Variants in FANK1 observed in about 807,000 individuals in gnomAD.
FANK1 encodes the protein fibronectin type 3 and ankyrin repeat domains protein 1.
Under a neutral mutation model 45.3 loss-of-function variants are expected in FANK1, and 44 were observed. That is an observed-to-expected ratio of 0.97 (90% CI 0.76 to 1.25). The LOEUF is 1.25. Among genes scored for constraint, FANK1 ranks in the 50% most tolerant of loss-of-function variants. The pLI, the probability that FANK1 is intolerant of heterozygous loss-of-function variation, is 0.00. For synonymous variants in FANK1, 149 were observed against 152.5 expected (o/e 0.98, Z 0.17); for missense variants, 391 against 424.4 (o/e 0.92, Z 0.69).
intron 1 of FANK1, among the ~76,000 whole-genome samples, chr10:125,946,538 T>C (rs1323693623): frequency 0.011 from 1,674 of 151,562 alleles, 17 homozygotes; most frequent in African/African-American, 0.038. Context: ...TGAAATGAAG[T>C]GAGAAGGGAA....
At chr10:126,005,098 A>G in intron 7 of FANK1, 49 bp downstream of exon 7, 2 of 1,569,330 alleles carry the variant, frequency 1.3e-6, no homozygotes, top group Non-Finnish European at 1.7e-6. Context: ...AGAATCTGAA[A>G]TGCTGCTCCA....
In FANK1 at chr10:125,976,624, A is replaced by ATT. The variant is rs57446589; in HGVS notation, c.14-3526_14-3525dup. Among the ~76,000 whole-genome samples the ATT allele has an allele frequency of 3.3e-3, 484 of 148,528 alleles. 1 individual carries two copies. Among genetic ancestry groups the ATT allele is most frequent in the South Asian group, 9.6e-3 (45 of 4,676 alleles). ...GTTAATACTTGTGATTGCATTGTAA[A>ATT]TTTTTTTTTTTTCCCTGAGACGGAA... On this transcript the variant is annotated intron_variant, in intron 1 of 10. Transcript: ENST00000368693.
Position 126,004,918 on chromosome 10 carries a change from G to A in FANK1, c.574G>A (p.Val192Ile), listed in dbSNP as rs369680322. 6.2e-7 allele frequency: 1 copy of A among 1,614,090 alleles called. No individual in the cohort carries two copies. The highest frequency in any genetic ancestry group is 1.3e-5 in the African/African-American group (1 of 74,928). ...MLACYAGHLD[V>I]VKYLRRHGAS... ...GGCGTGCTATGCGGGACACCTAGAT[G>A]TTGTGAAATATCTCCGAAGACATGG... is the stretch of plus-strand genomic sequence containing the variant. The change falls in exon 7 of 11, where the codon GTT (valine) becomes ATT (isoleucine). Residue 192 changes from valine to isoleucine, a missense_variant. Transcript: ENST00000368693.
chr10:125,995,470 G>A lies in FANK1; in HGVS notation c.370G>A (p.Asp124Asn). 1 of 1,614,168 alleles carries A rather than the reference G, an allele frequency of 6.2e-7. No individual in the cohort carries two copies. The change falls in exon 4 of 11, where the codon GAT becomes AAT. Residue 124 changes from aspartate to asparagine, a missense_variant. By Grantham distance (23) the Asp-to-Asn change is conservative. Transcript: ENST00000368693. ...CCGGGCTGTCAGTGTGAATGATGAA[G>A]ATTTGCTGGTCCGAATACTTCAAGG... The part of the protein sequence containing the change: ...LHRAVSVNDE[D>N]LLVRILQGGR...
intron 1 of FANK1, among the ~76,000 whole-genome samples, chr10:125,923,877 C>T (rs1190100259): frequency 4.6e-5 from 7 of 152,208 alleles, no homozygotes; most frequent in African/African-American, 1.7e-4. Flanking sequence ...GTACAGTCCT[C>T]CTGTGCAAGA....
chr10:125,911,125 G>C (rs1255817074), intron 1 of FANK1, among the ~76,000 whole-genome samples: 1 of 152,146 alleles, frequency 6.6e-6, no homozygotes, highest in African/African-American at 2.4e-5. Context: ...AGTAAGGATT[G>C]TGAGATGGGC....
rs1953385994 is a variant in FANK1, at chr10:126,008,286, AAT to A, written c.706-117_706-116del. 7 of 1,359,134 alleles carry A rather than the reference AAT, an allele frequency of 5.2e-6. No individual in the cohort carries two copies. In the South Asian group the frequency reaches 1.1e-4, roughly 22 times the overall value. 84.2% of individuals were successfully genotyped at this position (1,359,134 alleles called of 1,614,324 possible). A position where few individuals can be genotyped will look rare whatever the true frequency, so the allele number is the denominator to read the frequency against. ...TAAATTAGCACAGTGCAATGAACCA[AAT>A]ATAGAAAGACGGCTATCTAAGTCCG... On this transcript the variant is annotated intron_variant, in intron 7 of 10. Transcript: ENST00000368693.
chr10:125,914,710 G>C (rs530946662), intron 1 of FANK1, among the ~76,000 whole-genome samples: 1 of 152,234 alleles, frequency 6.6e-6, no homozygotes, highest in African/African-American at 2.4e-5. Flanking sequence ...ACTAGTTTTT[G>C]CTCAGATATT....
intron 1 of FANK1, chr10:125,907,503 G>T (rs1220205492): frequency 9.1e-6 from 9 of 985,298 alleles, no homozygotes; most frequent in Non-Finnish European, 1.1e-5. Context: ...TCGAGTGAAC[G>T]TGAGTAGGAT....
At chr10:125,922,678 C>G (rs942649563) in intron 1 of FANK1, among the ~76,000 whole-genome samples, 4 of 152,126 alleles carry the variant, frequency 2.6e-5, no homozygotes, top group African/African-American at 9.7e-5. Context: ...CCATGCCCAG[C>G]TAATTTTTGT....
At chr10:125,979,297 G>A (rs756694014) in intron 1 of FANK1, among the ~76,000 whole-genome samples, 11 of 152,108 alleles carry the variant, frequency 7.2e-5, no homozygotes, top group African/African-American at 1.9e-4. Context: ...GTTCCTCTCC[G>A]TGAGAGTCAG....
At chr10:125,956,202 T>TTG (rs1554930957) in intron 1 of FANK1, among the ~76,000 whole-genome samples, 6,022 of 72,242 alleles carry the variant, frequency 0.083, 232 homozygotes, top group Non-Finnish European at 0.12. Context: ...ATACATTTTT[T>TTG]GGGGGGGGGG....
intron 3 of FANK1, among the ~76,000 whole-genome samples, chr10:125,989,620 T>G (rs948655681): frequency 2.0e-5 from 3 of 152,246 alleles, no homozygotes; most frequent in African/African-American, 7.2e-5. Context: ...ACTGGGAGTT[T>G]ATCTGTGAAA....
chr10:125,911,676 C>G (rs1310668398), intron 1 of FANK1, among the ~76,000 whole-genome samples: 4 of 152,226 alleles, frequency 2.6e-5, no homozygotes, highest in Non-Finnish European at 1.5e-5. Flanking sequence ...CTCTTTCGCA[C>G]AGCCTCCTCA....
intron 1 of FANK1, among the ~76,000 whole-genome samples, chr10:125,971,386 T>TC (rs1227036069): frequency 6.6e-6 from 1 of 151,890 alleles, no homozygotes. Context: ...CTCCTGAAGG[T>TC]CAGCAGCCTC....
chr10:125,991,425 C>T (rs749517529), intron 3 of FANK1, among the ~76,000 whole-genome samples: 5 of 152,136 alleles, frequency 3.3e-5, no homozygotes, highest in Non-Finnish European at 7.3e-5. Context: ...GCTCTTGGCT[C>T]TGTGGGCTGG....
chr10:125,940,665 TCGGGCTGGGG>T (rs1378758459), intron 1 of FANK1, among the ~76,000 whole-genome samples: 1 of 152,060 alleles, frequency 6.6e-6, no homozygotes. Context: ...TTTACAGGTG[TCGGGCTGGGG>T]GATGGTCAGG....
At chr10:125,988,994 C>T (rs1951750913) in intron 3 of FANK1, among the ~76,000 whole-genome samples, 1 of 152,188 alleles carries the variant, frequency 6.6e-6, no homozygotes, top group East Asian at 1.9e-4. Flanking sequence ...TAAGCGTCCC[C>T]ACACAGCCAA....
intron 6 of FANK1, among the ~76,000 whole-genome samples, chr10:126,002,679 G>GA (rs1263597268): frequency 6.7e-6 from 1 of 148,964 alleles, no homozygotes; most frequent in African/African-American, 2.5e-5. Context: ...TACACATTTA[G>GA]AAAAAATGAA....
Sources: gnomAD v4.1 joint callset for allele counts (sites outside exome capture counted in the v4.1 genomes callset) on GRCh38, gnomAD v4.1.1 for gene constraint, MANE v1.5 for transcripts, NCBI Gene and HGNC (gene_info 2026-07-23, HGNC 2026-07-21) for gene names.